Variants in CCBE1 observed in about 807,000 individuals in gnomAD.
CCBE1 encodes collagen and calcium-binding EGF domain-containing protein 1.
In CCBE1, 37 loss-of-function variants were observed where a neutral mutation model predicts 50.0. The ratio of observed to expected loss-of-function variants is 0.74; its 90% CI spans 0.57 to 0.97. CCBE1 has a LOEUF of 0.97. Among genes scored for constraint, CCBE1 ranks in the 50% least tolerant of loss-of-function variants. The probability of loss-of-function intolerance (pLI) is 0.00; values close to 1 mark genes in which losing one functional copy is unlikely to be tolerated. For synonymous variants in CCBE1, 234 were observed against 203.7 expected (o/e 1.15, Z -1.27); for missense variants, 538 against 523.8 (o/e 1.03, Z -0.26).
At chr18:59,492,863 C>A (rs1276530622) in intron 2 of CCBE1, among the ~76,000 whole-genome samples, 1 of 152,138 alleles carries the variant, frequency 6.6e-6, no homozygotes, top group African/African-American at 2.4e-5. Flanking sequence ...TGCATGGAGC[C>A]CTTGACCCTT....
At chr18:59,582,150 C>T (rs757762862) in intron 2 of CCBE1, among the ~76,000 whole-genome samples, 3 of 152,182 alleles carry the variant, frequency 2.0e-5, no homozygotes, top group Non-Finnish European at 4.4e-5. Flanking sequence ...TCTCTTCCTT[C>T]GTCTTCACCA....
At chr18:59,614,801 T>C (rs116892306) in intron 2 of CCBE1, among the ~76,000 whole-genome samples, 1 of 152,372 alleles carries the variant, frequency 6.6e-6, no homozygotes, top group East Asian at 1.9e-4. Flanking sequence ...GTTAATATGC[T>C]ATTAAATGGG....
intron 2 of CCBE1, among the ~76,000 whole-genome samples, chr18:59,482,459 G>A (rs1342966105): frequency 6.6e-6 from 1 of 152,158 alleles, no homozygotes; most frequent in Admixed American, 6.5e-5. Flanking sequence ...ATACCCTAAG[G>A]ATTATAAATC....
At chr18:59,544,756 T>C (rs1423639162) in intron 2 of CCBE1, among the ~76,000 whole-genome samples, 4 of 152,242 alleles carry the variant, frequency 2.6e-5, no homozygotes. Flanking sequence ...GGTTCAGACT[T>C]ATATCACAGA....
intron 2 of CCBE1, among the ~76,000 whole-genome samples, chr18:59,659,578 C>T (rs1568259514): frequency 1.3e-5 from 2 of 152,158 alleles, no homozygotes; most frequent in Non-Finnish European, 2.9e-5. Flanking sequence ...CAAAATCCAT[C>T]ACATCTTCAA....
At chr18:59,676,987 G>T (rs1314553626) in intron 2 of CCBE1, among the ~76,000 whole-genome samples, 1 of 151,944 alleles carries the variant, frequency 6.6e-6, no homozygotes, top group Non-Finnish European at 1.5e-5. Flanking sequence ...AAGGTGGAGA[G>T]GAAGACAGGG....
chr18:59,435,744 A>C lies in CCBE1; in HGVS notation c.*164T>G, dbSNP rs1910119907. On this transcript the variant is annotated 3_prime_UTR_variant, in exon 11 of 11. Transcript: ENST00000439986. ...TCTGCAGGCCTAGGAGGGGACTCTGAAAATAGCATCGTATTTGGAAGAAGA... is the reference window on the plus strand; with the variant it reads ...TCTGCAGGCCTAGGAGGGGACTCTGCAAATAGCATCGTATTTGGAAGAAGA... 1 of 740,820 alleles carries C rather than the reference A, an allele frequency of 1.3e-6. No homozygotes were observed. The highest frequency in any genetic ancestry group is 1.7e-5 in the African/African-American group (1 of 57,512). The allele number at this position is 740,820 out of a possible 1,614,324, so 45.9% of individuals were successfully genotyped here.
At chr18:59,540,691 T>C (rs556204025) in intron 2 of CCBE1, among the ~76,000 whole-genome samples, 2 of 152,322 alleles carry the variant, frequency 1.3e-5, no homozygotes, top group Middle Eastern at 3.4e-3. Flanking sequence ...CTAAAACAGG[T>C]GTTGGCAAAC....
intron 2 of CCBE1, among the ~76,000 whole-genome samples, chr18:59,543,490 G>A (rs946751353): frequency 2.6e-5 from 4 of 152,262 alleles, no homozygotes; most frequent in African/African-American, 9.6e-5. Flanking sequence ...AATGATGCTG[G>A]TTAAGTTGAA....
chr18:59,467,876 C>CT (rs1000822307), intron 4 of CCBE1, among the ~76,000 whole-genome samples: 24 of 152,056 alleles, frequency 1.6e-4, no homozygotes, highest in African/African-American at 5.5e-4. Context: ...GGACGCTCCC[C>CT]GGCAGTACCA....
intron 2 of CCBE1, among the ~76,000 whole-genome samples, chr18:59,550,842 A>G (rs148148503): frequency 9.9e-5 from 15 of 151,992 alleles, no homozygotes; most frequent in Non-Finnish European, 1.8e-4. Flanking sequence ...AGTCTCTACT[A>G]AAAATACAAA....
intron 2 of CCBE1, among the ~76,000 whole-genome samples, chr18:59,536,539 C>T (rs1306656568): frequency 6.6e-6 from 1 of 151,996 alleles, no homozygotes; most frequent in Non-Finnish European, 1.5e-5. Context: ...GTCGACTTTC[C>T]CAGAAAAACA....
chr18:59,436,049 C>T lies in CCBE1; in HGVS notation c.1080G>A (p.Arg360=). ...TELQEKVFGH[R]THSSAEEFPL... ...GGAACTCCTCTGCTGAAGAGTGAGT[C>T]CGGTGCCCGAACACCTTTTCCTGCA... The change falls in exon 11 of 11, where the codon CGG becomes CGA. Residue 360 remains arginine, a synonymous_variant. Coordinates refer to ENST00000439986, the MANE Select transcript of CCBE1 (RefSeq NM_133459.4). The T allele has an allele frequency of 3.7e-6, 6 of 1,614,170 alleles. No homozygotes were observed. The highest frequency in any genetic ancestry group is 4.2e-6 in the Non-Finnish European group (5 of 1,180,044).
chr18:59,436,564 GT>G (rs1251667836), intron 10 of CCBE1, among the ~76,000 whole-genome samples: 13 of 152,196 alleles, frequency 8.5e-5, no homozygotes, highest in African/African-American at 3.1e-4. Flanking sequence ...TTCCCCATCT[GT>G]AAAACGGGGA....
chr18:59,657,379 G>C (rs964196509), intron 2 of CCBE1, among the ~76,000 whole-genome samples: 4 of 152,312 alleles, frequency 2.6e-5, no homozygotes, highest in South Asian at 4.1e-4. Context: ...GAAGGGAGGA[G>C]AGTAGAGATC....
chr18:59,551,676 A>G (rs1436740284), intron 2 of CCBE1, among the ~76,000 whole-genome samples: 1 of 152,232 alleles, frequency 6.6e-6, no homozygotes, highest in African/African-American at 2.4e-5. Flanking sequence ...ATAAGAGACT[A>G]GTCCTTTAAA....
chr18:59,663,244 T>C (rs941521284), intron 2 of CCBE1, among the ~76,000 whole-genome samples: 19 of 152,184 alleles, frequency 1.2e-4, no homozygotes, highest in East Asian at 5.8e-4. Context: ...AGGAGGTAAC[T>C]AGTGGTTTTT....
chr18:59,592,197 T>C (rs577275764), intron 2 of CCBE1, among the ~76,000 whole-genome samples: 1 of 152,300 alleles, frequency 6.6e-6, no homozygotes, highest in Admixed American at 6.5e-5. Flanking sequence ...GAACAGCCAC[T>C]GCACTCCAAC....
At chr18:59,619,517 T>A (rs1256220004) in intron 2 of CCBE1, among the ~76,000 whole-genome samples, 1 of 152,248 alleles carries the variant, frequency 6.6e-6, no homozygotes, top group Non-Finnish European at 1.5e-5. Flanking sequence ...ACATGTTAAA[T>A]AATACTTCCT....
Sources: allele counts gnomAD v4.1 joint callset (sites outside exome capture counted in the v4.1 genomes callset), GRCh38; gene constraint gnomAD v4.1.1; transcripts MANE v1.5; gene names NCBI Gene and HGNC (gene_info 2026-07-23, HGNC 2026-07-21).